The following PLEKHD1 variants were observed in gnomAD, a reference collection of about 807,000 sequenced individuals.
PLEKHD1 encodes the protein pleckstrin homology domain-containing family D member 1.
Under a neutral mutation model 69.2 loss-of-function variants are expected in PLEKHD1, and 51 were observed. The observed-to-expected ratio is 0.74, with a 90% CI of 0.59 to 0.93. PLEKHD1 has a LOEUF of 0.93. Ranked by LOEUF, PLEKHD1 falls within the 40% of genes least tolerant of loss-of-function variation. PLEKHD1 has a pLI of 0.00. For missense variants in PLEKHD1, 584 were observed against 641.0 expected (o/e 0.91, Z 0.96); for synonymous variants, 236 against 244.7 (o/e 0.96, Z 0.33).
chr14:69,469,260 A>T, the PLEKHD1 span, among the ~76,000 whole-genome samples: 2 of 152,168 alleles, frequency 1.3e-5, no homozygotes, highest in Non-Finnish European at 2.9e-5. Context: ...CACAGAAAAG[A>T]TCATTATTTT....
intron 1 of PLEKHD1, among the ~76,000 whole-genome samples, chr14:69,496,149 G>A (rs1336541504): frequency 6.6e-6 from 1 of 152,198 alleles, no homozygotes; most frequent in Non-Finnish European, 1.5e-5. Context: ...GCCTGAGGCT[G>A]CAGCTTGAAG....
At chr14:69,502,538 G>A in intron 5 of PLEKHD1, 1 of 444,640 alleles carries the variant, frequency 2.2e-6, no homozygotes, top group South Asian at 2.2e-5. Context: ...GGTGGGTGTG[G>A]GACTAGCCCA....
At chr14:69,481,527 T>C (rs1011473929), upstream of PLEKHD1, among the ~76,000 whole-genome samples, 11 of 152,336 alleles carry the variant, frequency 7.2e-5, no homozygotes, top group East Asian at 2.1e-3. Context: ...CATGACAGTG[T>C]GCTGCAAGGT....
At chr14:69,479,785 C>G (rs1011863165), upstream of PLEKHD1, among the ~76,000 whole-genome samples, 1 of 152,130 alleles carries the variant, frequency 6.6e-6, no homozygotes, top group Non-Finnish European at 1.5e-5. Context: ...TGGACTTAAA[C>G]TTATGTTAAC....
chr14:69,502,981 A>G (rs914624960), intron 6 of PLEKHD1, 102 bp downstream of exon 6: 52 of 1,413,028 alleles, frequency 3.7e-5, no homozygotes, highest in Non-Finnish European at 5.0e-5. Context: ...AGGACTTGCT[A>G]GAAGATCAGA....
intron 2 of PLEKHD1, 27 bp from the exon 3 acceptor site, chr14:69,500,550 G>A (rs867060137): frequency 1.4e-5 from 22 of 1,531,956 alleles, no homozygotes; most frequent in Middle Eastern, 1.7e-4. Flanking sequence ...GGTGGGGTGG[G>A]GGCTGCCTGT....
the PLEKHD1 span, among the ~76,000 whole-genome samples, chr14:69,470,323 CGTAGT>C: frequency 6.6e-6 from 1 of 151,738 alleles, no homozygotes; most frequent in South Asian, 2.1e-4. Flanking sequence ...ATTAGCCAGG[CGTAGT>C]GGTGCACACT....
the PLEKHD1 span, among the ~76,000 whole-genome samples, chr14:69,474,283 C>T: frequency 1.6e-4 from 24 of 152,152 alleles, no homozygotes; most frequent in Admixed American, 1.6e-3. Flanking sequence ...ACCATATTTT[C>T]CTGAGTTGCT....
chr14:69,487,194 C>CACAT (rs1409616661), intron 1 of PLEKHD1, among the ~76,000 whole-genome samples: 3 of 140,626 alleles, frequency 2.1e-5, no homozygotes, highest in Non-Finnish European at 4.8e-5. Context: ...CACACACACA[C>CACAT]ACACACACAC....
chr14:69,515,302 T>G (rs1191160905), intron 6 of PLEKHD1, among the ~76,000 whole-genome samples: 1 of 152,092 alleles, frequency 6.6e-6, no homozygotes, highest in Non-Finnish European at 1.5e-5. Context: ...GCTCCTGGAG[T>G]TATAACTCAC....
At chr14:69,490,119 C>A (rs371459033) in intron 1 of PLEKHD1, among the ~76,000 whole-genome samples, 1 of 152,298 alleles carries the variant, frequency 6.6e-6, no homozygotes, top group African/African-American at 2.4e-5. Flanking sequence ...CTGCCCGCCT[C>A]GGCCTCCCAA....
In PLEKHD1 at chr14:69,526,072, C is replaced by T. The variant is rs1007478535; in HGVS notation, c.873C>T (p.Ile291=). 32 of 1,551,472 alleles carry T rather than the reference C, an allele frequency of 2.1e-5. No individual in the cohort carries two copies. Among genetic ancestry groups the T allele is most frequent in the African/African-American group, 2.7e-5 (2 of 73,010 alleles). ...SGGLHSNLRQ[I]EEKMQQLLEE... is the part of the protein sequence containing the mutation. The stretch of plus-strand genomic sequence containing the variant: ...GCCTCCATAGCAACCTCCGGCAGAT[C>T]GAGGAGAAGATGCAGCAGCTCTTAG... The change falls in exon 9 of 13, where the codon ATC becomes ATT. Residue 291 remains isoleucine (I), a synonymous_variant. Transcript: ENST00000322564.
At chr14:69,488,439 G>T (rs1343764122) in intron 1 of PLEKHD1, among the ~76,000 whole-genome samples, 2 of 152,180 alleles carry the variant, frequency 1.3e-5, no homozygotes, top group Admixed American at 6.5e-5. Flanking sequence ...CTGGGGTTTG[G>T]TCTCACTTTC....
At chr14:69,522,172 T>A (rs1207261159) in intron 6 of PLEKHD1, 111 bp from the exon 7 acceptor site, 18 of 953,828 alleles carry the variant, frequency 1.9e-5, no homozygotes, top group Non-Finnish European at 2.7e-5. Context: ...GTGCAGCACA[T>A]GACCCAGGCT....
intron 2 of PLEKHD1, 104 bp downstream of exon 2, chr14:69,500,312 A>T: frequency 9.7e-7 from 1 of 1,025,972 alleles, no homozygotes; most frequent in Non-Finnish European, 1.4e-6. Context: ...CTGGCCTAGC[A>T]GAGAGTCTGG....
chr14:69,477,999 C>G, the PLEKHD1 span, among the ~76,000 whole-genome samples: 1 of 152,270 alleles, frequency 6.6e-6, no homozygotes, highest in Non-Finnish European at 1.5e-5. Flanking sequence ...CTGCACTGCC[C>G]TAGCAGAAAT....
At chr14:69,527,738 A>T (rs750661612) in intron 11 of PLEKHD1, 45 bp from the exon 12 acceptor site, 66 of 1,545,024 alleles carry the variant, frequency 4.3e-5, no homozygotes, top group Non-Finnish European at 5.2e-5. Context: ...GGCTGGGGGT[A>T]AGGATGCAGT....
chr14:69,484,466 T>G (rs566796317), upstream of PLEKHD1, among the ~76,000 whole-genome samples: 32 of 151,752 alleles, frequency 2.1e-4, no homozygotes, highest in Non-Finnish European at 2.9e-4. Context: ...CGGGGTGGTG[T>G]TGGGCGCGCG....
chr14:69,500,175 TG>T lies in PLEKHD1; in HGVS notation c.211del (p.Glu71LysfsTer33). On this transcript the variant is annotated frameshift_variant, in exon 2 of 13. Transcript: ENST00000322564. LOFTEE classifies it high-confidence loss of function. Reference sequence around the variant, plus strand: ...ACTCTGAGAGCGAAAAAAAGAGCTTTGAAACCAATAAATACTTCAATATACA... The same window carrying T: ...ACTCTGAGAGCGAAAAAAAGAGCTTTAAACCAATAAATACTTCAATATACA... ...YYSESEKKSF[E>X]TNKYFNIHPK... 6.4e-7 allele frequency: 1 copy of T among 1,550,416 alleles called. No individual in the cohort carries two copies. The highest frequency in any genetic ancestry group is 8.7e-7 in the Non-Finnish European group (1 of 1,145,854).
Sources: allele counts gnomAD v4.1 joint callset (sites outside exome capture counted in the v4.1 genomes callset), GRCh38; gene constraint gnomAD v4.1.1; transcripts MANE v1.5; gene names NCBI Gene and HGNC (gene_info 2026-07-23, HGNC 2026-07-21).